The following AKT3 variants were observed in gnomAD, a reference collection of about 807,000 sequenced individuals.
AKT3 encodes RAC-gamma serine/threonine-protein kinase.
Under a neutral mutation model 65.3 loss-of-function variants are expected in AKT3, and 15 were observed. The ratio of observed to expected loss-of-function variants is 0.23; its 90% CI spans 0.15 to 0.35. AKT3 has a LOEUF of 0.35. Ranked by LOEUF, AKT3 falls within the 10% of genes least tolerant of loss-of-function variation. The probability of loss-of-function intolerance (pLI) is 1.00; values close to 1 mark genes in which losing one functional copy is unlikely to be tolerated. For synonymous variants in AKT3, 206 were observed against 183.8 expected (o/e 1.12, Z -0.98); for missense variants, 243 against 576.5 (o/e 0.42, Z 5.92).
At chr1:243,610,927 T>C (rs894872222) in intron 8 of AKT3, among the ~76,000 whole-genome samples, 1 of 152,356 alleles carries the variant, frequency 6.6e-6, no homozygotes, top group East Asian at 1.9e-4. Context: ...AATGTAACTT[T>C]ATTTAAGCAG....
chr1:243,644,854 T>C (rs922066625), intron 5 of AKT3, among the ~76,000 whole-genome samples: 1 of 152,206 alleles, frequency 6.6e-6, no homozygotes, highest in African/African-American at 2.4e-5. Context: ...TTTGTTTTTC[T>C]TTTTGCAATG....
At chr1:243,639,668 A>C (rs961270748) in intron 5 of AKT3, among the ~76,000 whole-genome samples, 1 of 152,226 alleles carries the variant, frequency 6.6e-6, no homozygotes, top group African/African-American at 2.4e-5. Context: ...GGAAACTGTC[A>C]GTTCTGGGAA....
chr1:243,524,248 A>T (rs983022217), intron 12 of AKT3, among the ~76,000 whole-genome samples: 1 of 152,248 alleles, frequency 6.6e-6, no homozygotes, highest in East Asian at 1.9e-4. Context: ...AAAGCACTAA[A>T]TATTTGGTGA....
intron 3 of AKT3, 79 bp from the exon 4 acceptor site, chr1:243,664,962 TATTTTAAA>T: frequency 4.1e-6 from 3 of 727,398 alleles, no homozygotes; most frequent in Non-Finnish European, 6.0e-6. Context: ...TACAGAGTTC[TATTTTAAA>T]CAAAACCCAG....
intron 5 of AKT3, among the ~76,000 whole-genome samples, chr1:243,644,259 T>G (rs564150582): frequency 6.6e-6 from 1 of 152,310 alleles, no homozygotes; most frequent in African/African-American, 2.4e-5. Context: ...TCTCAAAATA[T>G]TATGAAAAAC....
At chr1:243,617,747 AG>A (rs1276269062) in intron 6 of AKT3, among the ~76,000 whole-genome samples, 1 of 152,132 alleles carries the variant, frequency 6.6e-6, no homozygotes, top group East Asian at 1.9e-4. Flanking sequence ...TCTTCTAAGA[AG>A]GATCAATTAG....
intron 2 of AKT3, among the ~76,000 whole-genome samples, chr1:243,755,680 G>C (rs1689090828): frequency 6.6e-6 from 1 of 152,156 alleles, no homozygotes; most frequent in East Asian, 1.9e-4. Flanking sequence ...TTAGTCATTA[G>C]ATAAGTTTAG....
intron 2 of AKT3, chr1:243,739,407 T>C (rs1572256600): frequency 6.6e-6 from 1 of 152,200 alleles, no homozygotes; most frequent in East Asian, 1.9e-4. Context: ...TTATGTGAAA[T>C]GTAGTCCAAT....
intron 4 of AKT3, among the ~76,000 whole-genome samples, chr1:243,651,760 G>A (rs537018954): frequency 1.2e-4 from 18 of 152,264 alleles, no homozygotes; most frequent in African/African-American, 3.6e-4. Flanking sequence ...GATCGTGGTG[G>A]ATAAGCTTTC....
intron 2 of AKT3, among the ~76,000 whole-genome samples, chr1:243,801,021 G>A (rs1039754674): frequency 1.3e-5 from 2 of 152,082 alleles, no homozygotes; most frequent in Non-Finnish European, 2.9e-5. Flanking sequence ...TAAGTATGTT[G>A]GAAAGATGAA....
chr1:243,618,977 G>T (rs954815049), intron 6 of AKT3, among the ~76,000 whole-genome samples: 2 of 152,066 alleles, frequency 1.3e-5, no homozygotes, highest in African/African-American at 2.4e-5. Context: ...CCACATCTAA[G>T]TTCAATAGTA....
chr1:243,552,105 C>G (rs188013747), intron 11 of AKT3, among the ~76,000 whole-genome samples: 2 of 151,872 alleles, frequency 1.3e-5, no homozygotes, highest in Admixed American at 6.6e-5. Flanking sequence ...GCCTGGCCAA[C>G]TTGGCAAAAC....
At chr1:243,593,980 T>C (rs1037908939) in intron 8 of AKT3, among the ~76,000 whole-genome samples, 2 of 152,082 alleles carry the variant, frequency 1.3e-5, no homozygotes, top group Non-Finnish European at 2.9e-5. Flanking sequence ...AATATATACA[T>C]GCCATACAAA....
intron 6 of AKT3, among the ~76,000 whole-genome samples, chr1:243,635,078 T>C (rs1438131456): frequency 1.3e-5 from 2 of 151,940 alleles, no homozygotes; most frequent in African/African-American, 4.8e-5. Context: ...GGATTACAAA[T>C]AAAGTCTCAA....
intron 2 of AKT3, among the ~76,000 whole-genome samples, chr1:243,709,176 A>G (rs894409369): frequency 6.6e-6 from 1 of 151,654 alleles, no homozygotes. Context: ...GAATATAAAA[A>G]GTGCTAATCT....
At chr1:243,809,000 C>T (rs984993419) in intron 2 of AKT3, among the ~76,000 whole-genome samples, 1 of 152,118 alleles carries the variant, frequency 6.6e-6, no homozygotes, top group African/African-American at 2.4e-5. Flanking sequence ...TTGTCACCAC[C>T]AGGTCTGCCC....
intron 2 of AKT3, among the ~76,000 whole-genome samples, chr1:243,719,922 A>G (rs571242220): frequency 2.0e-5 from 3 of 152,338 alleles, no homozygotes; most frequent in East Asian, 1.9e-4. Context: ...GATTTGGCCA[A>G]TCTCTGCTAC....
intron 2 of AKT3, among the ~76,000 whole-genome samples, chr1:243,715,672 TTAAA>T (rs1686467330): frequency 6.6e-6 from 1 of 152,078 alleles, no homozygotes; most frequent in Non-Finnish European, 1.5e-5. Flanking sequence ...ACTCTTCTTG[TTAAA>T]TAAACGAGGG....
intron 2 of AKT3, among the ~76,000 whole-genome samples, chr1:243,700,804 G>A (rs1020542240): frequency 1.8e-4 from 27 of 152,188 alleles, no homozygotes; most frequent in Admixed American, 1.3e-3. Flanking sequence ...GCCCGGCCAG[G>A]CTTAGTCTTT....
Sources: allele counts gnomAD v4.1 joint callset (sites outside exome capture counted in the v4.1 genomes callset), GRCh38; gene constraint gnomAD v4.1.1; transcripts MANE v1.5; gene names NCBI Gene and HGNC (gene_info 2026-07-23, HGNC 2026-07-21).